MYBPC3: variants seen among roughly 807,000 people sequenced by gnomAD.
MYBPC3 encodes the protein myosin-binding protein C, cardiac-type.
Under a neutral mutation model 159.3 loss-of-function variants are expected in MYBPC3, and 108 were observed. The ratio of observed to expected loss-of-function variants is 0.68; its 90% CI spans 0.58 to 0.80. MYBPC3 has a LOEUF of 0.80. Ranked by LOEUF, MYBPC3 falls within the 30% of genes least tolerant of loss-of-function variation. The pLI is 0.00. For missense variants in MYBPC3, 1,631 were observed against 1,762.1 expected (o/e 0.93, Z 1.33); for synonymous variants, 730 against 702.0 (o/e 1.04, Z -0.63).
chr11:47,332,079 C>G lies in MYBPC3; in HGVS notation c.3807G>C (p.Glu1269Asp). The G allele has an allele frequency of 6.2e-7, 1 of 1,609,982 alleles. No homozygotes were observed. Among genetic ancestry groups the G allele is most frequent in the Non-Finnish European group, 8.5e-7 (1 of 1,177,352 alleles). The change falls in exon 33 of 35, where the codon GAG becomes GAC. Residue 1269 changes from glutamate (E) to aspartate (D), a missense_variant. Coordinates refer to ENST00000545968, the MANE Select transcript of MYBPC3 (RefSeq NM_000256.3). This position sits in a 1 kb window ranked among gnomAD's most constrained non-coding sequence, Gnocchi z 4.2. Reference protein sequence around the residue: ...QGEARCECRLEVRVPQ With the variant: ...QGEARCECRLDVRVPQ The stretch of plus-strand genomic sequence containing the variant: ...GCCCCGAGGGCTCCTCACCTCGCAC[C>G]TCCAGGCGGCACTCACACCGTGCCT...
intron 23 of MYBPC3, 143 bp from the exon 24 acceptor site, chr11:47,337,937 TTC>T: frequency 3.2e-6 from 2 of 632,972 alleles, no homozygotes; most frequent in Non-Finnish European, 5.4e-6. Context: ...TAGAATGCAT[TTC>T]TTTCTTCTTT....
chr11:47,331,819 T>C (rs2095876110), intron 34 of MYBPC3, 26 bp downstream of exon 34: 3 of 1,588,372 alleles, frequency 1.9e-6, no homozygotes, highest in African/African-American at 1.3e-5. Flanking sequence ...CACTGACTTG[T>C]GCCCTGGGTG....
Position 47,346,481 on chromosome 11 carries a change from C to G in MYBPC3, c.927-111G>C, listed in dbSNP as rs565861413. The G allele has an allele frequency of 6.9e-7, 1 of 1,458,994 alleles. No individual in the cohort carries two copies. Among genetic ancestry groups the G allele is most frequent in the East Asian group, 2.4e-5 (1 of 41,282 alleles). 90.4% of individuals were successfully genotyped at this position (1,458,994 alleles called of 1,614,324 possible). A position where few individuals can be genotyped will look rare whatever the true frequency, so the allele number is the denominator to read the frequency against. On this transcript the variant is annotated intron_variant, in intron 11 of 34. Coordinates refer to ENST00000545968, the MANE Select transcript of MYBPC3 (RefSeq NM_000256.3). This position sits in a 1 kb window ranked among gnomAD's most constrained non-coding sequence, Gnocchi z 5.3. ...AGCCACCCCTGTCCCTCTGCCCCTTCCCTTCTGGTGGGGCAGCTGGAGCTG... is the reference window on the plus strand; with the variant it reads ...AGCCACCCCTGTCCCTCTGCCCCTTGCCTTCTGGTGGGGCAGCTGGAGCTG...
At position 47,332,473 on chromosome 11, in the gene MYBPC3, C is replaced by T; in HGVS notation, c.3627+93G>A. The T allele has an allele frequency of 2.0e-6, 3 of 1,527,144 alleles. No homozygotes were observed. The highest frequency in any genetic ancestry group is 1.9e-4 in the Middle Eastern group (1 of 5,356). 94.6% of individuals were successfully genotyped at this position (1,527,144 alleles called of 1,614,324 possible). The stretch of plus-strand genomic sequence containing the variant: ...CATACACCCCAAGGTGGAGAGAAAG[C>T]AGGGGAGACAGGCTGGGGAGAGGAC... On this transcript the variant is annotated intron_variant, in intron 32 of 34. Transcript: ENST00000545968. The surrounding 1 kb of genome is among the most constrained non-coding windows in gnomAD (Gnocchi z 4.2).
rs1281745222 is a variant in MYBPC3 at position 47,338,805 on chromosome 11, G to A, written c.2149-126C>T. On this transcript the variant is annotated intron_variant, in intron 22 of 34. Coordinates refer to ENST00000545968, the MANE Select transcript of MYBPC3 (RefSeq NM_000256.3). This position sits in a 1 kb window ranked among gnomAD's most constrained non-coding sequence, Gnocchi z 4.7. ...CAGCCTGTGGGAAGACTGCATCCAC[G>A]TCAGCATCTAGTTCAAAATCATCTC... 21 of 1,171,150 alleles carry A rather than the reference G, an allele frequency of 1.8e-5. No homozygotes were observed. The East Asian group carries it at 3.4e-4, about 19-fold the overall frequency. 72.5% of individuals were successfully genotyped at this position (1,171,150 alleles called of 1,614,324 possible). A position where few individuals can be genotyped will look rare whatever the true frequency, so the allele number is the denominator to read the frequency against.
intron 1 of MYBPC3, among the ~76,000 whole-genome samples, chr11:47,352,406 C>T (rs901073414): frequency 1.3e-5 from 2 of 152,088 alleles, no homozygotes; most frequent in South Asian, 2.1e-4. Context: ...CCCCTCTCTG[C>T]GTCCCTGACC....
At position 47,347,430 on chromosome 11, in the gene MYBPC3, T is replaced by A. The variant is rs730880629; in HGVS notation, c.901A>T (p.Lys301Ter). Residue 301 changes from lysine to a stop codon, truncating the protein, a stop_gained, in exon 9 of 35, where the codon AAG (lysine) becomes TAG (stop). Coordinates refer to ENST00000545968, the MANE Select transcript of MYBPC3 (RefSeq NM_000256.3). LOFTEE classifies it high-confidence loss of function. ...GAACTGCCACCCAGGACTCACCTCT[T>A]TTTCAGCAGTGAGCTGAAGTCCAGA... is the stretch of plus-strand genomic sequence containing the variant. ...GILDFSSLLK[K>*]RDSFRTPRDS... The A allele has an allele frequency of 6.3e-7, 1 of 1,586,174 alleles. No homozygotes were observed. Among genetic ancestry groups the A allele is most frequent in the Admixed American group, 1.8e-5 (1 of 55,480 alleles).
At chr11:47,349,735 T>C in intron 5 of MYBPC3, 39 bp downstream of exon 5, 1 of 1,591,664 alleles carries the variant, frequency 6.3e-7, no homozygotes. Context: ...GCTCTCCATG[T>C]CCCCTCTCTC....
In MYBPC3 at chr11:47,351,197, C is replaced by A; in HGVS notation, c.292+42G>T. 6.8e-7 allele frequency: 1 copy of A among 1,468,478 alleles called. No individual in the cohort carries two copies. The allele number at this position is 1,468,478 out of a possible 1,614,324, so 91.0% of individuals were successfully genotyped here. ...TGGAGAGTCGCTGGGCTGCCCCTCC[C>A]CCAGCAGCCCAAACCTCAGGGAAGG... On this transcript the variant is annotated intron_variant, in intron 2 of 34. Transcript: ENST00000545968. This position sits in a 1 kb window ranked among gnomAD's most constrained non-coding sequence, Gnocchi z 4.2.
intron 25 of MYBPC3, among the ~76,000 whole-genome samples, chr11:47,337,141 A>G (rs1188898846): frequency 1.3e-5 from 2 of 152,156 alleles, no homozygotes; most frequent in East Asian, 3.9e-4. Flanking sequence ...GAGGCTTGAA[A>G]CGTGAACTAG....
intron 27 of MYBPC3, 51 bp downstream of exon 27, chr11:47,334,991 G>A: frequency 7.0e-7 from 1 of 1,431,802 alleles, no homozygotes; most frequent in Non-Finnish European, 9.2e-7. Flanking sequence ...TGGACACCAA[G>A]GGCCTGGGGT....
At position 47,352,633 on chromosome 11, in the gene MYBPC3, C is replaced by T; in HGVS notation, c.15G>A (p.Gly5=). Residue 5 remains glycine (G), a synonymous_variant, in exon 1 of 35, where the codon GGG becomes GGA. Transcript: ENST00000545968. Reference sequence around the variant, plus strand: ...CAGTCCTAAAGCTACCTGGCTTCTTCCCCGGCTCAGGCATCCTGAGAGACG... The same window carrying T: ...CAGTCCTAAAGCTACCTGGCTTCTTTCCCGGCTCAGGCATCCTGAGAGACG... MPEP[G]KKPVSAFSKK... 5 of 1,597,218 alleles carry T rather than the reference C, an allele frequency of 3.1e-6. No individual in the cohort carries two copies. Among genetic ancestry groups the T allele is most frequent in the Non-Finnish European group, 4.3e-6 (5 of 1,172,088 alleles).
chr11:47,351,285 A>G lies in MYBPC3; in HGVS notation c.246T>C (p.Ile82=), dbSNP rs372502369. 9.9e-5 allele frequency: 154 copies of G among 1,561,240 alleles called. No individual in the cohort carries two copies. The highest frequency in any genetic ancestry group is 6.7e-4 in the Middle Eastern group (4 of 5,970). The change falls in exon 2 of 35, where the codon ATT becomes ATC. Residue 82 remains isoleucine, a synonymous_variant. Coordinates refer to ENST00000545968, the MANE Select transcript of MYBPC3 (RefSeq NM_000256.3). This position sits in a 1 kb window ranked among gnomAD's most constrained non-coding sequence, Gnocchi z 4.2. ...CGAACTTGACCTTGGAGGAGCCAGCAATGACTGCGTAAGATCCCTGGTCGG... is the reference window on the plus strand; with the variant it reads ...CGAACTTGACCTTGGAGGAGCCAGCGATGACTGCGTAAGATCCCTGGTCGG... The part of the protein sequence containing the change: ...GPADQGSYAV[I]AGSSKVKFDL...
chr11:47,349,965 G>A, intron 4 of MYBPC3, 43 bp from the exon 5 acceptor site: 1 of 1,567,354 alleles, frequency 6.4e-7, no homozygotes, highest in Non-Finnish European at 8.6e-7. Flanking sequence ...GGAGTGTCCT[G>A]CTGCCCCCCC....
At chr11:47,341,289 C>T in intron 18 of MYBPC3, 45 bp from the exon 19 acceptor site, 1 of 1,469,452 alleles carries the variant, frequency 6.8e-7, no homozygotes, top group South Asian at 1.2e-5. Flanking sequence ...GGCCACACAC[C>T]CCTGGCCTTG....
rs769830766 is a variant in MYBPC3 at position 47,346,288 on chromosome 11, C to T, written c.1009G>A (p.Ala337Thr). The part of the protein sequence containing the change: ...QAPPSEYERI[A>T]FQYGVTDLRG... Reference sequence around the variant, plus strand: ...AGGTCAGTGACGCCGTACTGGAAGGCGATGCGCTCGTACTCAGATGGGGGT... The same window carrying T: ...AGGTCAGTGACGCCGTACTGGAAGGTGATGCGCTCGTACTCAGATGGGGGT... The change falls in exon 12 of 35, where the codon GCC (alanine) becomes ACC (threonine). Residue 337 changes from alanine (A) to threonine (T), a missense_variant. Coordinates refer to ENST00000545968, the MANE Select transcript of MYBPC3 (RefSeq NM_000256.3). This position sits in a 1 kb window ranked among gnomAD's most constrained non-coding sequence, Gnocchi z 5.3. 4 of 1,613,528 alleles carry T rather than the reference C, an allele frequency of 2.5e-6. No homozygotes were observed. Among genetic ancestry groups the T allele is most frequent in the Non-Finnish European group, 3.4e-6 (4 of 1,179,744 alleles).
rs397515962 is a variant in MYBPC3, at chr11:47,337,784, G to A, written c.2319C>T (p.Asp773=). Residue 773 remains aspartate, a synonymous_variant, in exon 24 of 35, where the codon GAC becomes GAT. Coordinates refer to ENST00000545968, the MANE Select transcript of MYBPC3 (RefSeq NM_000256.3). ...NLTVKVIDVP[D]APAAPKISNV... ...TGCTGATCTTGGGGGCCGCAGGTGC[G>A]TCTGGCACGTCTGGATGGGGTGGGA... 58 of 1,551,008 alleles carry A rather than the reference G, an allele frequency of 3.7e-5. No homozygotes were observed. Among genetic ancestry groups the A allele is most frequent in the Non-Finnish European group, 4.8e-5 (55 of 1,147,298 alleles).
In MYBPC3 at chr11:47,332,332, C is replaced by T. The variant is rs1332044926; in HGVS notation, c.3628-74G>A. On this transcript the variant is annotated intron_variant, in intron 32 of 34. Coordinates refer to ENST00000545968, the MANE Select transcript of MYBPC3 (RefSeq NM_000256.3). This position sits in a 1 kb window ranked among gnomAD's most constrained non-coding sequence, Gnocchi z 4.2. ...GACCTGGCAGGGACCCAGGGAGACA[C>T]ATCTGTGTTTCTACTCGGGGGGTCC... is the stretch of plus-strand genomic sequence containing the variant. The T allele has an allele frequency of 6.5e-7, 1 of 1,541,272 alleles. No homozygotes were observed. The highest frequency in any genetic ancestry group is 1.4e-5 in the African/African-American group (1 of 73,172).
rs11570112 is a variant in MYBPC3, at chr11:47,333,924, G to C, written c.2992C>G (p.Gln998Glu). The change falls in exon 28 of 35, where the codon CAG becomes GAG. Residue 998 changes from glutamine (Q) to glutamate (E), a missense_variant and splice_region_variant. Transcript: ENST00000545968. ...ACAGGGAAGGGGGCCAGTCCCACCT[G>C]GAAAGGGATGAGAAGGTTCACAGGC... ...GEPVNLLIPF[Q>E]GKPRPQVTWT... 2,510 of 1,571,272 alleles carry C rather than the reference G, an allele frequency of 1.6e-3. 55 individuals carry two copies. The Admixed American group carries it at 0.033, about 21-fold the overall frequency.
Sources: allele counts gnomAD v4.1 joint callset (sites outside exome capture counted in the v4.1 genomes callset), GRCh38; gene constraint gnomAD v4.1.1; non-coding constraint Gnocchi (gnomAD v3.1); transcripts MANE v1.5; gene names NCBI Gene and HGNC (gene_info 2026-07-23, HGNC 2026-07-21).